ARHGAP10: variants seen among roughly 807,000 people sequenced by gnomAD.
ARHGAP10 encodes Rho GTPase activating protein 10.
In ARHGAP10, 87 loss-of-function variants were observed where a neutral mutation model predicts 108.6. That is an observed-to-expected ratio of 0.80 (90% CI 0.67 to 0.96). ARHGAP10 has a LOEUF of 0.96. ARHGAP10 is among the 40% of genes least tolerant of loss of function. The pLI is 0.00. For synonymous variants in ARHGAP10, 347 were observed against 341.1 expected, an observed-to-expected ratio of 1.02 and a Z score of -0.19; for missense variants, 939 against 954.5, an observed-to-expected ratio of 0.98 and a Z score of 0.21.
At chr4:147,926,404 A>G (rs963321087) in intron 13 of ARHGAP10, among the ~76,000 whole-genome samples, 3 of 152,160 alleles carry the variant, frequency 2.0e-5, no homozygotes, top group Non-Finnish European at 4.4e-5. Context: ...GAATTTGATG[A>G]CCTGCTGGAT....
rs375086805 is a variant in ARHGAP10 at position 147,846,807 on chromosome 4, G to A, written c.313-344G>A. Among the ~76,000 whole-genome samples the A allele has an allele frequency of 1.8e-4, 28 of 152,224 alleles. No homozygotes were observed. In the East Asian group the frequency reaches 2.7e-3, roughly 15 times the overall value. The stretch of plus-strand genomic sequence containing the variant: ...TGAATTTTAAATTTCTAAGGAGGGG[G>A]AAGGAAAAAAACAATCTCAAACAGA... On this transcript the variant is annotated intron_variant, in intron 3 of 22. Coordinates refer to ENST00000336498, the MANE Select transcript of ARHGAP10 (RefSeq NM_024605.4).
intron 19 of ARHGAP10, among the ~76,000 whole-genome samples, chr4:148,040,319 T>C (rs1469902156): frequency 1.3e-5 from 2 of 152,118 alleles, no homozygotes; most frequent in Non-Finnish European, 1.5e-5. Context: ...TTATAGATAC[T>C]AGGAACCCTA....
chr4:147,873,019 A>G (rs1206555693), intron 7 of ARHGAP10, among the ~76,000 whole-genome samples: 1 of 152,178 alleles, frequency 6.6e-6, no homozygotes, highest in Non-Finnish European at 1.5e-5. Flanking sequence ...TAGATCCACA[A>G]AGTTCAAGCC....
intron 19 of ARHGAP10, among the ~76,000 whole-genome samples, chr4:148,029,803 C>A (rs898190655): frequency 2.6e-5 from 4 of 152,134 alleles, no homozygotes; most frequent in Admixed American, 6.5e-5. Flanking sequence ...AATCTAAGAC[C>A]AGGCTTGAAT....
chr4:147,884,704 G>C (rs1371117944), intron 10 of ARHGAP10, among the ~76,000 whole-genome samples: 2 of 145,560 alleles, frequency 1.4e-5, no homozygotes, highest in Non-Finnish European at 3.0e-5. Context: ...AGAGTCATGT[G>C]CCAGGTAGAG....
rs559729658 is a variant in ARHGAP10, at chr4:147,867,304, C to T, written c.702+488C>T. 5.3e-5 allele frequency among the ~76,000 whole-genome samples: 8 copies of T among 152,170 alleles called. 1 individual carries two copies. Among genetic ancestry groups the T allele is most frequent in the South Asian group, 2.1e-4 (1 of 4,810 alleles). On this transcript the variant is annotated intron_variant, in intron 7 of 22. Coordinates refer to ENST00000336498, the MANE Select transcript of ARHGAP10 (RefSeq NM_024605.4). ...AAAATGTGTGCTTTCTGCCAGGTCT[C>T]GGATAAAGAGATTTAGGAGAATGTT... is the stretch of plus-strand genomic sequence containing the variant.
rs767261865 is a variant in ARHGAP10, at chr4:148,016,983, TAAA to T, written c.1717-6260_1717-6258del. Among the ~76,000 whole-genome samples, 5 of 112,594 alleles carry T rather than the reference TAAA, an allele frequency of 4.4e-5. No individual in the cohort carries two copies. The East Asian group carries it at 1.3e-3, about 28-fold the overall frequency. The allele number at this position is 112,594 out of a possible 152,430, so 73.9% of individuals were successfully genotyped here. On this transcript the variant is annotated intron_variant, in intron 18 of 22. Transcript: ENST00000336498. ...CAACATGGTGAAACCTCATCTCTATTAAAAAAAAAAAAAAAAAAAAAACCAGCT... is the reference window on the plus strand; with the variant it reads ...CAACATGGTGAAACCTCATCTCTATTAAAAAAAAAAAAAAAAAAACCAGCT...
Position 147,913,071 on chromosome 4 carries a change from T to C in ARHGAP10, c.1163-3T>C. ...ACTTAATGTTTTAAACTGTTTCTTG[T>C]AGATGCACAGTTGGATAAGATGGGG... On this transcript the variant is annotated splice_region_variant and splice_polypyrimidine_tract_variant and intron_variant, in intron 12 of 22. Transcript: ENST00000336498. The C allele has an allele frequency of 6.2e-7, 1 of 1,612,334 alleles. No homozygotes were observed. Among genetic ancestry groups the C allele is most frequent in the African/African-American group, 1.3e-5 (1 of 75,004 alleles).
chr4:147,910,356 A>G (rs912638287), intron 12 of ARHGAP10, among the ~76,000 whole-genome samples: 1 of 152,046 alleles, frequency 6.6e-6, no homozygotes, highest in African/African-American at 2.4e-5. Flanking sequence ...CTCAAAAAAA[A>G]AAAAATTGTA....
chr4:147,928,925 A>G (rs541391108), intron 13 of ARHGAP10, among the ~76,000 whole-genome samples: 3 of 152,340 alleles, frequency 2.0e-5, no homozygotes, highest in East Asian at 3.9e-4. Flanking sequence ...AGTTCCCATC[A>G]TTAACCCCAT....
intron 1 of ARHGAP10, among the ~76,000 whole-genome samples, chr4:147,761,174 G>A (rs1230385595): frequency 6.6e-6 from 1 of 151,750 alleles, no homozygotes; most frequent in African/African-American, 2.4e-5. Context: ...GCACCACCAT[G>A]CCCAGCTGAT....
intron 3 of ARHGAP10, among the ~76,000 whole-genome samples, chr4:147,833,693 T>C (rs972326727): frequency 6.6e-6 from 1 of 152,220 alleles, no homozygotes; most frequent in African/African-American, 2.4e-5. Context: ...TTTTTCAATG[T>C]ATATAAAAGT....
intron 16 of ARHGAP10, among the ~76,000 whole-genome samples, chr4:147,956,292 A>G (rs1039330167): frequency 3.9e-5 from 6 of 152,082 alleles, no homozygotes; most frequent in Non-Finnish European, 7.4e-5. Flanking sequence ...TTTGGGACCA[A>G]TGTTACCGCT....
rs1235191246 is a variant in ARHGAP10 at position 147,741,778 on chromosome 4, ACACACACACACACG to A, written c.154+9337_154+9350del. On this transcript the variant is annotated intron_variant, in intron 1 of 22. Coordinates refer to ENST00000336498, the MANE Select transcript of ARHGAP10 (RefSeq NM_024605.4). ...GATATCGTTCTCTTTACACACACAC[ACACACACACACACG>A]CACACACACACACACACACACACAC... is the stretch of plus-strand genomic sequence containing the variant. 6.8e-3 allele frequency among the ~76,000 whole-genome samples: 256 copies of A among 37,774 alleles called. 1 individual carries two copies. Among genetic ancestry groups the A allele is most frequent in the African/African-American group, 0.017 (243 of 13,964 alleles). The allele number at this position is 37,774 out of a possible 152,430, so 24.8% of individuals were successfully genotyped here.
chr4:147,913,045 C>T (rs555350649), intron 12 of ARHGAP10, 29 bp from the exon 13 acceptor site: 57 of 1,574,572 alleles, frequency 3.6e-5, no homozygotes, highest in Non-Finnish European at 4.7e-5. Flanking sequence ...AATAATTGTA[C>T]ACTTAATGTT....
At chr4:147,746,592 G>A (rs1256848683) in intron 1 of ARHGAP10, among the ~76,000 whole-genome samples, 1 of 151,978 alleles carries the variant, frequency 6.6e-6, no homozygotes, top group Non-Finnish European at 1.5e-5. Context: ...GTTTCACCAT[G>A]TTGGCCAGGC....
intron 1 of ARHGAP10, among the ~76,000 whole-genome samples, chr4:147,734,743 G>A (rs1485423359): frequency 6.6e-6 from 1 of 152,150 alleles, no homozygotes; most frequent in African/African-American, 2.4e-5. Context: ...ATTTGAAAAT[G>A]GCTTGATGAG....
At chr4:148,041,741 C>A (rs574846594) in intron 19 of ARHGAP10, among the ~76,000 whole-genome samples, 2 of 152,332 alleles carry the variant, frequency 1.3e-5, no homozygotes, top group Non-Finnish European at 2.9e-5. Flanking sequence ...TGGTAGCTAT[C>A]ACCAAAGACA....
intron 1 of ARHGAP10, among the ~76,000 whole-genome samples, chr4:147,761,653 A>G (rs1729597901): frequency 6.6e-6 from 1 of 152,364 alleles, no homozygotes; most frequent in Middle Eastern, 3.4e-3. Context: ...TTTACTCTCC[A>G]TAAAATATAA....
Sources: allele counts gnomAD v4.1 joint callset (sites outside exome capture counted in the v4.1 genomes callset), GRCh38; gene constraint gnomAD v4.1.1; transcripts MANE v1.5; gene names NCBI Gene and HGNC (gene_info 2026-07-23, HGNC 2026-07-21).